Variants in CGNL1 observed in about 807,000 individuals in gnomAD.
The protein encoded by CGNL1 is cingulin like 1.
A neutral mutation model predicts 141.2 loss-of-function variants in CGNL1; 132 were observed. That is an observed-to-expected ratio of 0.93 (90% CI 0.81 to 1.08). CGNL1 has a LOEUF of 1.08. Among genes scored for constraint, CGNL1 ranks in the 50% least tolerant of loss-of-function variants. CGNL1 has a pLI of 0.00. For synonymous variants in CGNL1, 690 were observed against 622.1 expected (o/e 1.11, Z -1.63); for missense variants, 1,870 against 1,588.6 (o/e 1.18, Z -3.01).
Position 57,523,537 on chromosome 15 carries a change from C to T in CGNL1, c.2764C>T (p.Leu922Phe). ...TQEQKQLSEK[L>F]KEESEQKEQL... ...GGAGCAGAAGCAGTTGTCTGAGAAG[C>T]TCAAAGAGGAGAGTGAGCAGAAGGA... is the stretch of plus-strand genomic sequence containing the variant. Residue 922 changes from leucine (L) to phenylalanine (F), a missense_variant, in exon 11 of 19, where the codon CTC becomes TTC. Coordinates refer to ENST00000281282, the MANE Select transcript of CGNL1 (RefSeq NM_032866.5). 1 of 1,614,122 alleles carries T rather than the reference C, an allele frequency of 6.2e-7. No homozygotes were observed. The highest frequency in any genetic ancestry group is 8.5e-7 in the Non-Finnish European group (1 of 1,180,024).
At chr15:57,405,502 A>T (rs1324732494) in intron 1 of CGNL1, among the ~76,000 whole-genome samples, 1 of 152,124 alleles carries the variant, frequency 6.6e-6, no homozygotes, top group Non-Finnish European at 1.5e-5. Context: ...AGGTTCCTGA[A>T]TTTCTGTGAC....
intron 7 of CGNL1, among the ~76,000 whole-genome samples, chr15:57,461,313 C>T (rs1347801871): frequency 6.6e-6 from 1 of 152,120 alleles, no homozygotes; most frequent in Non-Finnish European, 1.5e-5. Flanking sequence ...TGGCGTGCCC[C>T]CGTGAAGCAA....
chr15:57,437,922 C>G, intron 1 of CGNL1, 63 bp from the exon 2 acceptor site: 1 of 1,382,312 alleles, frequency 7.2e-7, no homozygotes, highest in Non-Finnish European at 9.8e-7. Context: ...TTATTTCAGT[C>G]TTCATTTAAA....
chr15:57,452,439 A>G (rs2063333107), intron 6 of CGNL1, 150 bp downstream of exon 6: 6 of 700,658 alleles, frequency 8.6e-6, no homozygotes, highest in Non-Finnish European at 1.4e-5. Context: ...TTGTAAAATT[A>G]TGAAGCTGGC....
intron 1 of CGNL1, among the ~76,000 whole-genome samples, chr15:57,411,911 T>C (rs2152270783): frequency 1.3e-5 from 2 of 152,356 alleles, no homozygotes; most frequent in Admixed American, 1.3e-4. Context: ...AGTTTACTTA[T>C]TTTAAACAAG....
chr15:57,508,921 T>G (rs1260809127), intron 8 of CGNL1, among the ~76,000 whole-genome samples: 3 of 152,208 alleles, frequency 2.0e-5, no homozygotes, highest in African/African-American at 7.2e-5. Flanking sequence ...AGAGACCTTA[T>G]GCCAGGGAAA....
At chr15:57,390,239 G>A (rs2062527749) in intron 1 of CGNL1, among the ~76,000 whole-genome samples, 1 of 152,230 alleles carries the variant, frequency 6.6e-6, no homozygotes, top group South Asian at 2.1e-4. Flanking sequence ...GCTTCCATCT[G>A]GGTTGAGGTC....
chr15:57,541,438 C>G (rs994164904), intron 14 of CGNL1, among the ~76,000 whole-genome samples: 1 of 152,226 alleles, frequency 6.6e-6, no homozygotes. Flanking sequence ...ATTCATTCCC[C>G]TTGCACTTTG....
At chr15:57,508,657 C>T (rs1179861763) in intron 8 of CGNL1, among the ~76,000 whole-genome samples, 1 of 152,230 alleles carries the variant, frequency 6.6e-6, no homozygotes, top group Non-Finnish European at 1.5e-5. Flanking sequence ...GAGAATCCTA[C>T]CAAGAAGCAT....
chr15:57,411,566 C>T (rs543463501), intron 1 of CGNL1, among the ~76,000 whole-genome samples: 10 of 151,930 alleles, frequency 6.6e-5, no homozygotes, highest in Non-Finnish European at 1.3e-4. Context: ...GCTTCACCCT[C>T]CCAAGTATCT....
intron 1 of CGNL1, among the ~76,000 whole-genome samples, chr15:57,377,503 C>T (rs2062377842): frequency 6.6e-6 from 1 of 152,170 alleles, no homozygotes. Flanking sequence ...GAGTTGCTCC[C>T]ACCAGCCACT....
At chr15:57,486,406 A>G (rs182948024) in intron 8 of CGNL1, among the ~76,000 whole-genome samples, 12 of 152,112 alleles carry the variant, frequency 7.9e-5, no homozygotes, top group Non-Finnish European at 1.2e-4. Flanking sequence ...CGAGAAAGAG[A>G]GAAACAGTTG....
intron 8 of CGNL1, among the ~76,000 whole-genome samples, chr15:57,469,459 A>G (rs886851983): frequency 6.6e-6 from 1 of 151,674 alleles, no homozygotes; most frequent in African/African-American, 2.4e-5. Flanking sequence ...AGACACAGAC[A>G]CAGAGACCTG....
rs2032831457 is a variant in CGNL1 at position 57,545,810 on chromosome 15, T to C, written c.3609+110T>C. 4 of 883,860 alleles carry C rather than the reference T, an allele frequency of 4.5e-6. No individual in the cohort carries two copies. In the Admixed American group the frequency reaches 6.6e-5, roughly 15 times the overall value. 54.8% of individuals were successfully genotyped at this position (883,860 alleles called of 1,614,324 possible). Reference sequence around the variant, plus strand: ...CAGGAGTGGAGTGTGAGTGGGCTGATTCCTCCCTTTCCACGCACCCAGTCA... The same window carrying C: ...CAGGAGTGGAGTGTGAGTGGGCTGACTCCTCCCTTTCCACGCACCCAGTCA... On this transcript the variant is annotated intron_variant, in intron 17 of 18. Coordinates refer to ENST00000281282, the MANE Select transcript of CGNL1 (RefSeq NM_032866.5).
chr15:57,391,834 C>T (rs1380690116), intron 1 of CGNL1, among the ~76,000 whole-genome samples: 2 of 152,066 alleles, frequency 1.3e-5, no homozygotes, highest in Non-Finnish European at 1.5e-5. Flanking sequence ...CTCCACCCAT[C>T]GTATCCTTAT....
intron 1 of CGNL1, among the ~76,000 whole-genome samples, chr15:57,421,417 G>T (rs539928951): frequency 1.3e-5 from 2 of 151,940 alleles, no homozygotes; most frequent in African/African-American, 4.8e-5. Flanking sequence ...CTTAAACACC[G>T]AAAGGAACCC....
chr15:57,437,187 G>A (rs567994704), intron 1 of CGNL1, among the ~76,000 whole-genome samples: 5 of 151,264 alleles, frequency 3.3e-5, no homozygotes, highest in Admixed American at 3.3e-4. Context: ...AAAGGCAACG[G>A]CAACTATTCT....
At chr15:57,404,433 T>G (rs1396062002) in intron 1 of CGNL1, among the ~76,000 whole-genome samples, 1 of 152,228 alleles carries the variant, frequency 6.6e-6, no homozygotes, top group Non-Finnish European at 1.5e-5. Flanking sequence ...GTCACAGATT[T>G]TCTGAAACCA....
intron 1 of CGNL1, among the ~76,000 whole-genome samples, chr15:57,377,737 C>T (rs1185625867): frequency 2.6e-5 from 4 of 152,162 alleles, no homozygotes; most frequent in Non-Finnish European, 4.4e-5. Context: ...GCATTAGAAC[C>T]GAGCAGTCCT....
Sources: allele counts gnomAD v4.1 joint callset (sites outside exome capture counted in the v4.1 genomes callset), GRCh38; gene constraint gnomAD v4.1.1; transcripts MANE v1.5; gene names NCBI Gene and HGNC (gene_info 2026-07-23, HGNC 2026-07-21).